Variants in VPS13B observed in about 807,000 individuals in gnomAD.
VPS13B encodes the protein intermembrane lipid transfer protein VPS13B.
VPS13B carries 285 observed loss-of-function variants against 426.4 expected under a neutral mutation model. The observed-to-expected ratio is 0.67, with a 90% CI of 0.61 to 0.74. The LOEUF is 0.74. Ranked by LOEUF, VPS13B falls within the 30% of genes least tolerant of loss-of-function variation. The pLI is 0.00. For synonymous variants in VPS13B, 1,676 were observed against 1,676.4 expected (o/e 1.00, Z 0.01); for missense variants, 4,537 against 4,782.6 (o/e 0.95, Z 1.51).
chr8:99,134,517 T>C, intron 8 of VPS13B, 115 bp from the exon 9 acceptor site: 1 of 837,156 alleles, frequency 1.2e-6, no homozygotes, highest in Non-Finnish European at 1.9e-6. Flanking sequence ...CTGCTTAATA[T>C]TTAAATTTCC....
At chr8:99,293,357 G>C (rs1369014928) in intron 19 of VPS13B, among the ~76,000 whole-genome samples, 3 of 110,508 alleles carry the variant, frequency 2.7e-5, no homozygotes, top group African/African-American at 1.1e-4. Context: ...AGCTGAAACT[G>C]GATCCCTTCC....
intron 19 of VPS13B, among the ~76,000 whole-genome samples, chr8:99,332,426 C>G (rs187971818): frequency 2.4e-4 from 36 of 151,640 alleles, no homozygotes; most frequent in Admixed American, 5.9e-4. Flanking sequence ...AGTAAGAGAA[C>G]AGTTAATTTT....
intron 23 of VPS13B, among the ~76,000 whole-genome samples, chr8:99,466,322 A>G (rs1289014855): frequency 6.6e-6 from 1 of 152,124 alleles, no homozygotes; most frequent in Admixed American, 6.6e-5. Context: ...TTACCTCTCT[A>G]ATTAGAAAAT....
intron 2 of VPS13B, among the ~76,000 whole-genome samples, chr8:99,014,459 T>C (rs1841503171): frequency 6.6e-6 from 1 of 152,066 alleles, no homozygotes; most frequent in African/African-American, 2.4e-5. Context: ...TTTTGGTATA[T>C]TAGAATGGGA....
At chr8:99,135,761 T>G (rs745644632) in intron 11 of VPS13B, 28 bp downstream of exon 11, 17 of 1,612,228 alleles carry the variant, frequency 1.1e-5, no homozygotes, top group Non-Finnish European at 1.3e-5. Context: ...TGAACCAAAT[T>G]CTAGGCTGTG....
At chr8:99,733,411 T>C (rs1241271126) in intron 39 of VPS13B, among the ~76,000 whole-genome samples, 4 of 152,212 alleles carry the variant, frequency 2.6e-5, no homozygotes, top group African/African-American at 9.7e-5. Context: ...AGCTTTCACA[T>C]CTGCAAATTA....
At chr8:99,720,696 T>C in intron 38 of VPS13B, 144 bp downstream of exon 38, 1 of 1,126,898 alleles carries the variant, frequency 8.9e-7, no homozygotes. Context: ...TATCATTCAA[T>C]CTCTCTTAGG....
At chr8:99,327,995 G>A (rs556821471) in intron 19 of VPS13B, among the ~76,000 whole-genome samples, 4 of 152,290 alleles carry the variant, frequency 2.6e-5, no homozygotes, top group South Asian at 2.1e-4. Context: ...AGAAGTCCCC[G>A]ATCTGTTGGC....
intron 21 of VPS13B, among the ~76,000 whole-genome samples, chr8:99,423,021 T>C (rs529704891): frequency 6.6e-6 from 1 of 152,334 alleles, no homozygotes; most frequent in South Asian, 2.1e-4. Flanking sequence ...AATGGTTTAA[T>C]TATACTCTTT....
chr8:99,037,644 A>AT (rs1015451047), intron 2 of VPS13B, among the ~76,000 whole-genome samples: 2 of 152,152 alleles, frequency 1.3e-5, no homozygotes, highest in East Asian at 3.9e-4. Flanking sequence ...ATAGAAATAC[A>AT]TTTTTTTCTT....
At chr8:99,094,705 G>C (rs7819569) in intron 3 of VPS13B, among the ~76,000 whole-genome samples, 1 of 151,976 alleles carries the variant, frequency 6.6e-6, no homozygotes, top group African/African-American at 2.4e-5. Context: ...TCTTATTGTC[G>C]TTCTTATTTG....
At chr8:99,636,688 A>G (rs952564864) in intron 33 of VPS13B, among the ~76,000 whole-genome samples, 1 of 152,028 alleles carries the variant, frequency 6.6e-6, no homozygotes, top group African/African-American at 2.4e-5. Context: ...ACTGTTTAGA[A>G]TAGGAAGTAT....
intron 2 of VPS13B, among the ~76,000 whole-genome samples, chr8:99,024,360 A>G (rs915055859): frequency 1.3e-5 from 2 of 152,240 alleles, no homozygotes; most frequent in African/African-American, 4.8e-5. Context: ...ATAAAATACA[A>G]TAAAATATTT....
intron 58 of VPS13B, among the ~76,000 whole-genome samples, chr8:99,866,433 AG>A (rs1817103621): frequency 6.6e-6 from 1 of 152,146 alleles, no homozygotes; most frequent in South Asian, 2.1e-4. Context: ...TCCCCCTCAA[AG>A]GTCTGCTGCT....
chr8:99,443,666 T>C (rs1817779419), intron 23 of VPS13B, among the ~76,000 whole-genome samples: 2 of 152,204 alleles, frequency 1.3e-5, no homozygotes, highest in Admixed American at 1.3e-4. Context: ...TTTTTATGGC[T>C]GAATAGTATT....
At chr8:99,642,859 T>C (rs960632772) in intron 34 of VPS13B, among the ~76,000 whole-genome samples, 3 of 152,202 alleles carry the variant, frequency 2.0e-5, no homozygotes, top group Non-Finnish European at 2.9e-5. Context: ...TCTATTCAGA[T>C]TAAAAAAGAA....
Position 99,540,246 on chromosome 8 carries a change from A to AT in VPS13B, c.4746-16198dup, listed in dbSNP as rs541713382. The stretch of plus-strand genomic sequence containing the variant: ...AGGCACCCGCCACCATACCTGGCTA[A>AT]TTTTTTGTATTTTTAGTAGAGATGG... On this transcript the variant is annotated intron_variant, in intron 30 of 61. Transcript: ENST00000357162. Among the ~76,000 whole-genome samples the AT allele has an allele frequency of 3.9e-3, 575 of 149,120 alleles. 3 individuals are homozygous for AT. Among genetic ancestry groups the AT allele is most frequent in the African/African-American group, 0.013 (531 of 40,518 alleles).
chr8:99,808,965 A>G (rs1205993789), intron 43 of VPS13B, among the ~76,000 whole-genome samples: 1 of 152,140 alleles, frequency 6.6e-6, no homozygotes, highest in African/African-American at 2.4e-5. Context: ...TGATGATTAA[A>G]AAAAAAACCC....
intron 3 of VPS13B, among the ~76,000 whole-genome samples, chr8:99,051,255 C>CATATGT (rs1843534206): frequency 6.6e-6 from 1 of 152,160 alleles, no homozygotes; most frequent in Non-Finnish European, 1.5e-5. Flanking sequence ...TATGGCTAGC[C>CATATGT]AGTTTTCCCA....
Sources: allele counts gnomAD v4.1 joint callset (sites outside exome capture counted in the v4.1 genomes callset), GRCh38; gene constraint gnomAD v4.1.1; transcripts MANE v1.5; gene names NCBI Gene and HGNC (gene_info 2026-07-23, HGNC 2026-07-21).